The following GCNT2 variants were observed in gnomAD, a reference collection of about 807,000 sequenced individuals.
GCNT2 encodes the protein glucosaminyl (N-acetyl) transferase 2 (I blood group).
Under a neutral mutation model 34.2 loss-of-function variants are expected in GCNT2, and 34 were observed. The observed-to-expected ratio is 1.00, with a 90% CI of 0.76 to 1.32. GCNT2 has a LOEUF of 1.32. Ranked by LOEUF, GCNT2 falls within the 40% of genes most tolerant of loss-of-function variation. GCNT2 has a pLI of 0.00. For synonymous variants in GCNT2, 212 were observed against 188.0 expected (o/e 1.13, Z -1.04); for missense variants, 584 against 489.4 (o/e 1.19, Z -1.82).
At chr6:10,623,293 T>A (rs1766120575) in intron 4 of GCNT2, among the ~76,000 whole-genome samples, 1 of 117,062 alleles carries the variant, frequency 8.5e-6, no homozygotes, top group Non-Finnish European at 1.7e-5. Flanking sequence ...GCCTACATTA[T>A]TTTTTTTTTT....
intron 4 of GCNT2, 138 bp downstream of exon 4, chr6:10,621,581 G>T: frequency 1.4e-6 from 1 of 696,048 alleles, no homozygotes; most frequent in Admixed American, 2.0e-5. Context: ...GAAGCCAGAG[G>T]CTTCAAGACA....
rs1765009143 is a variant in GCNT2, at chr6:10,599,516, AAG to A, written c.926-21832_926-21831del. On this transcript the variant is annotated intron_variant, in intron 3 of 4. Coordinates refer to ENST00000495262, the MANE Select transcript of GCNT2 (RefSeq NM_145649.5). ...CCATCTATTGTATCCCAGCGGAGGT[AAG>A]AGCAGGAGACAGTGTGCCGTATGAA... Among the ~76,000 whole-genome samples, 7 of 152,326 alleles carry A rather than the reference AAG, an allele frequency of 4.6e-5. No homozygotes were observed. The South Asian group carries it at 1.4e-3, about 32-fold the overall frequency.
chr6:10,602,244 C>T (rs1765119927), intron 3 of GCNT2, among the ~76,000 whole-genome samples: 1 of 152,168 alleles, frequency 6.6e-6, no homozygotes, highest in South Asian at 2.1e-4. Flanking sequence ...TTGCTCTTAC[C>T]TGTATGCACA....
At chr6:10,597,265 C>G (rs987342403) in intron 3 of GCNT2, among the ~76,000 whole-genome samples, 3 of 149,150 alleles carry the variant, frequency 2.0e-5, no homozygotes, top group Non-Finnish European at 4.4e-5. Context: ...AAGCAATTCT[C>G]GTGCCTCAGC....
intron 3 of GCNT2, among the ~76,000 whole-genome samples, chr6:10,563,771 AAAAAAAAT>A (rs1470640714): frequency 2.2e-3 from 144 of 65,250 alleles, no homozygotes; most frequent in Middle Eastern, 6.7e-3. Flanking sequence ...AAAAAAAAAA[AAAAAAAAT>A]ATATATATAT....
intron 3 of GCNT2, among the ~76,000 whole-genome samples, chr6:10,553,208 T>A (rs1762554767): frequency 6.6e-6 from 1 of 152,198 alleles, no homozygotes; most frequent in East Asian, 1.9e-4. Context: ...CAGGAGGGAA[T>A]GTGTACACAA....
chr6:10,528,602 C>G, intron 2 of GCNT2, 29 bp from the exon 3 acceptor site: 1 of 422,386 alleles, frequency 2.4e-6, no homozygotes. Context: ...GGAATCAGAA[C>G]CTCTCTGAGG....
In GCNT2 at chr6:10,585,032, A is replaced by AGTGTGT. The variant is rs57538079; in HGVS notation, c.926-36277_926-36272dup. 4.7e-3 allele frequency among the ~76,000 whole-genome samples: 605 copies of AGTGTGT among 127,512 alleles called. 2 individuals carry two copies. The highest frequency in any genetic ancestry group is 0.014 in the South Asian group (52 of 3,650). The allele number at this position is 127,512 out of a possible 152,430, so 83.7% of individuals were successfully genotyped here. ...TTCTTTGTTCCCTCTTCCCATAGTC[A>AGTGTGT]GTGTGTGTGTGTGTGTGTGTGTGTG... On this transcript the variant is annotated intron_variant, in intron 3 of 4. Transcript: ENST00000495262.
chr6:10,541,228 CATCA>C (rs1762024209), intron 3 of GCNT2, among the ~76,000 whole-genome samples: 1 of 152,138 alleles, frequency 6.6e-6, no homozygotes, highest in African/African-American at 2.4e-5. Flanking sequence ...CATAAGTTCT[CATCA>C]ATCAGCTCCC....
Position 10,617,743 on chromosome 6 carries a change from A to ATTTTTTTTTT in GCNT2, c.926-3605_926-3604insTTTTTTTTTT, listed in dbSNP as rs1254996839. 8.0e-4 allele frequency among the ~76,000 whole-genome samples: 90 copies of ATTTTTTTTTT among 112,764 alleles called. 3 individuals are homozygous for ATTTTTTTTTT. The Middle Eastern group carries it at 0.014, about 18-fold the overall frequency. The allele number at this position is 112,764 out of a possible 152,430, so 74.0% of individuals were successfully genotyped here. ...GCCACTGCACCTGGCCAGAGTCTGC[A>ATTTTTTTTTT]TTTCTTCTTTTTTTTTTTTTTTTTT... On this transcript the variant is annotated intron_variant, in intron 3 of 4. Transcript: ENST00000495262.
chr6:10,550,041 GT>G (rs1762419540), intron 3 of GCNT2, among the ~76,000 whole-genome samples: 1 of 152,036 alleles, frequency 6.6e-6, no homozygotes, highest in Non-Finnish European at 1.5e-5. Flanking sequence ...AAATTATATA[GT>G]AGTTTACCCC....
intron 3 of GCNT2, among the ~76,000 whole-genome samples, chr6:10,613,537 A>G (rs1765641825): frequency 6.6e-6 from 1 of 152,214 alleles, no homozygotes; most frequent in South Asian, 2.1e-4. Flanking sequence ...TAATAATAAT[A>G]GAATCGAGTC....
At chr6:10,536,123 A>C (rs1761739201) in intron 3 of GCNT2, among the ~76,000 whole-genome samples, 1 of 152,108 alleles carries the variant, frequency 6.6e-6, no homozygotes, top group Non-Finnish European at 1.5e-5. Context: ...AGAAGGGCAG[A>C]TCCGAATCAA....
intron 3 of GCNT2, among the ~76,000 whole-genome samples, chr6:10,587,904 C>G (rs182668701): frequency 2.2e-4 from 34 of 152,346 alleles, no homozygotes; most frequent in Admixed American, 1.8e-3. Context: ...TGTCTACACA[C>G]ACACACTGCA....
At chr6:10,586,059 A>G (rs919710530) in intron 3 of GCNT2, 1 of 1,614,198 alleles carries the variant, frequency 6.2e-7, no homozygotes, top group Non-Finnish European at 8.5e-7. Flanking sequence ...GAGATTTTAC[A>G]GTAGCCAATT....
At chr6:10,599,113 C>A (rs1213822990) in intron 3 of GCNT2, among the ~76,000 whole-genome samples, 1 of 152,164 alleles carries the variant, frequency 6.6e-6, no homozygotes, top group African/African-American at 2.4e-5. Context: ...GAAACTCAGA[C>A]AAAAGCAGCT....
chr6:10,572,651 G>A (rs1371442143), intron 3 of GCNT2, among the ~76,000 whole-genome samples: 2 of 152,034 alleles, frequency 1.3e-5, no homozygotes, highest in Non-Finnish European at 2.9e-5. Context: ...GGAGAATGGC[G>A]TGAACCCAGG....
rs554586142 is a variant in GCNT2, at chr6:10,521,861, C to T, written c.-469+444C>T. ...TTCCTTCAGGCAAGGGAAAATGTTTCCAGAATTTGATAAGGTACTTGGTAC... is the reference window on the plus strand; with the variant it reads ...TTCCTTCAGGCAAGGGAAAATGTTTTCAGAATTTGATAAGGTACTTGGTAC... On this transcript the variant is annotated intron_variant, in intron 1 of 4. Coordinates refer to ENST00000495262, the MANE Select transcript of GCNT2 (RefSeq NM_145649.5). Among the ~76,000 whole-genome samples the T allele has an allele frequency of 9.9e-5, 15 of 151,880 alleles. No homozygotes were observed. In the South Asian group the frequency reaches 2.9e-3, roughly 30 times the overall value.
chr6:10,566,007 C>T (rs920337771), intron 3 of GCNT2, among the ~76,000 whole-genome samples: 2 of 152,158 alleles, frequency 1.3e-5, no homozygotes, highest in Non-Finnish European at 2.9e-5. Context: ...CAGAGAGCTC[C>T]TCGAGATCTG....
Sources: gnomAD v4.1 joint callset for allele counts (sites outside exome capture counted in the v4.1 genomes callset) on GRCh38, gnomAD v4.1.1 for gene constraint, MANE v1.5 for transcripts, NCBI Gene and HGNC (gene_info 2026-07-23, HGNC 2026-07-21) for gene names.